Variants in RRM2 observed in about 807,000 individuals in gnomAD.
The protein encoded by RRM2 is ribonucleoside-diphosphate reductase subunit M2.
Under a neutral mutation model 45.9 loss-of-function variants are expected in RRM2, and 6 were observed. That is an observed-to-expected ratio of 0.13 (90% CI 0.07 to 0.26). The LOEUF (loss-of-function observed/expected upper bound fraction) is 0.26. RRM2 is among the 10% of genes least tolerant of loss of function. RRM2 has a pLI of 1.00. For synonymous variants in RRM2, 177 were observed against 173.0 expected, an observed-to-expected ratio of 1.02 and a Z score of -0.18; for missense variants, 343 against 489.5, an observed-to-expected ratio of 0.70 and a Z score of 2.82.
chr2:10,126,712 C>G (rs1490777285), intron 5 of RRM2, 163 bp from the exon 6 acceptor site: 2 of 642,500 alleles, frequency 3.1e-6, no homozygotes, highest in Non-Finnish European at 5.5e-6. Context: ...GAGGGAAAAA[C>G]TGACCAGTAA....
At position 10,147,477 on chromosome 2, in the gene RRM2, C is replaced by T. The variant is rs1219348091; in HGVS notation, n.482+5102C>T. 5.3e-5 allele frequency among the ~76,000 whole-genome samples: 8 copies of T among 152,018 alleles called. No individual in the cohort carries two copies. The East Asian group carries it at 1.2e-3, about 22-fold the overall frequency. Reference sequence around the variant, plus strand: ...TATTTTTTTTGTAGAGACAGGGTTTCGCCCTGTTGCCCAGGCAACAAGCAA... The same window carrying T: ...TATTTTTTTTGTAGAGACAGGGTTTTGCCCTGTTGCCCAGGCAACAAGCAA... On this transcript the variant is annotated intron_variant and non_coding_transcript_variant, in intron 3 of 3. Coordinates refer to the RRM2 transcript ENST00000381786.
intron 3 of RRM2, among the ~76,000 whole-genome samples, chr2:10,150,079 C>T (rs1340485071): frequency 2.6e-5 from 4 of 152,076 alleles, no homozygotes; most frequent in South Asian, 2.1e-4. Context: ...TTTTGGAGGA[C>T]GAGGCGGGTG....
At position 10,205,101 on chromosome 2, in the gene RRM2, G is replaced by A. The variant is rs566845230; in HGVS notation, n.483-5210G>A. Among the ~76,000 whole-genome samples, 1 of 152,298 alleles carries A rather than the reference G, an allele frequency of 6.6e-6. No homozygotes were observed. Among genetic ancestry groups the A allele is most frequent in the Non-Finnish European group, 1.5e-5 (1 of 68,018 alleles). On this transcript the variant is annotated intron_variant and non_coding_transcript_variant, in intron 3 of 3. Transcript: ENST00000381786. This position sits in a 1 kb window ranked among gnomAD's most constrained non-coding sequence, Gnocchi z 4.8. ...TCCCTAAGCCTTCTTTGTCCTTACCGTCTCTTCAGAATCTGTCTGCTTCAC... is the reference window on the plus strand; with the variant it reads ...TCCCTAAGCCTTCTTTGTCCTTACCATCTCTTCAGAATCTGTCTGCTTCAC...
At chr2:10,164,423 C>T (rs1663638754) in intron 3 of RRM2, among the ~76,000 whole-genome samples, 2 of 152,290 alleles carry the variant, frequency 1.3e-5, no homozygotes, top group East Asian at 1.9e-4. Flanking sequence ...GTGCTCAATA[C>T]ATTTTATCAT....
intron 3 of RRM2, among the ~76,000 whole-genome samples, chr2:10,173,906 C>T (rs1203235083): frequency 6.6e-6 from 1 of 152,156 alleles, no homozygotes; most frequent in Non-Finnish European, 1.5e-5. Context: ...GGTTCTGTAC[C>T]GGGTGTGCTC....
chr2:10,171,155 AT>A lies in RRM2; in HGVS notation n.482+28781del, dbSNP rs1298691124. Among the ~76,000 whole-genome samples the A allele has an allele frequency of 2.0e-5, 3 of 152,206 alleles. No individual in the cohort carries two copies. The highest frequency in any genetic ancestry group is 2.9e-5 in the Non-Finnish European group (2 of 68,028). On this transcript the variant is annotated intron_variant and non_coding_transcript_variant, in intron 3 of 3. Coordinates refer to the RRM2 transcript ENST00000381786. The surrounding 1 kb of genome is among the most constrained non-coding windows in gnomAD (Gnocchi z 4.1). ...ACAGACCCCAGGCATCGAGCCTGCGATGGGGCAACGTGTGGTGTGGAGGCCA... is the reference window on the plus strand; with the variant it reads ...ACAGACCCCAGGCATCGAGCCTGCGAGGGGCAACGTGTGGTGTGGAGGCCA...
intron 3 of RRM2, among the ~76,000 whole-genome samples, chr2:10,206,013 G>A (rs13002569): frequency 1.3e-4 from 20 of 152,062 alleles, no homozygotes; most frequent in East Asian, 7.8e-4. Context: ...CTGGGAGGCC[G>A]AAGCGGGAGG....
intron 3 of RRM2, among the ~76,000 whole-genome samples, chr2:10,161,886 T>C (rs1023780316): frequency 1.3e-5 from 2 of 152,222 alleles, no homozygotes; most frequent in African/African-American, 4.8e-5. Flanking sequence ...TGCTCTGACT[T>C]GGAAGCCCAG....
At chr2:10,168,591 A>G (rs1449386562) in intron 3 of RRM2, among the ~76,000 whole-genome samples, 1 of 151,670 alleles carries the variant, frequency 6.6e-6, no homozygotes, top group African/African-American at 2.4e-5. Context: ...CTTGATACCA[A>G]CTCTGGGGGT....
chr2:10,185,311 C>T lies in RRM2; in HGVS notation n.483-25000C>T, dbSNP rs1040104158. 6.6e-6 allele frequency among the ~76,000 whole-genome samples: 1 copy of T among 151,854 alleles called. No homozygotes were observed. The highest frequency in any genetic ancestry group is 2.4e-5 in the African/African-American group (1 of 41,342). On this transcript the variant is annotated intron_variant and non_coding_transcript_variant, in intron 3 of 3. Transcript: ENST00000381786. The surrounding 1 kb of genome is among the most constrained non-coding windows in gnomAD (Gnocchi z 4.3). ...AGAGAGAGAGGCAGGAGAGGCTGAGCGTGGGAGGGAGACAGACGGCATCGA... is the reference window on the plus strand; with the variant it reads ...AGAGAGAGAGGCAGGAGAGGCTGAGTGTGGGAGGGAGACAGACGGCATCGA...
chr2:10,203,293 C>G (rs759347), intron 3 of RRM2, among the ~76,000 whole-genome samples: 132,766 of 152,244 alleles, frequency 0.87, 57,931 homozygotes, highest in East Asian at 1. Flanking sequence ...GGATGGGTCT[C>G]GGGCTGGCCT....
chr2:10,199,561 C>G (rs1170018432), intron 3 of RRM2, among the ~76,000 whole-genome samples: 3 of 151,792 alleles, frequency 2.0e-5, no homozygotes, highest in Admixed American at 6.6e-5. Context: ...GTGGGCGGAT[C>G]ACAAGGTCAG....
At chr2:10,182,682 A>C (rs1369295038) in intron 3 of RRM2, among the ~76,000 whole-genome samples, 2 of 152,202 alleles carry the variant, frequency 1.3e-5, no homozygotes, top group African/African-American at 2.4e-5. Context: ...GCTAGTCCTT[A>C]ATAGGATGAG....
In RRM2 at chr2:10,210,352, A is replaced by G. The variant is rs1462467967; in HGVS notation, n.524A>G. On this transcript the variant is annotated non_coding_transcript_exon_variant, in exon 4 of 4. Coordinates refer to the RRM2 transcript ENST00000381786. Reference sequence around the variant, plus strand: ...CCAGTTCTCTCACTGCAGAGTCTGGAGAAGCCCAGCCCTCATTGTGAAGGG... The same window carrying G: ...CCAGTTCTCTCACTGCAGAGTCTGGGGAAGCCCAGCCCTCATTGTGAAGGG... 2.2e-6 allele frequency: 3 copies of G among 1,367,564 alleles called. No homozygotes were observed. In the African/African-American group the frequency reaches 4.4e-5, roughly 20 times the overall value. The allele number at this position is 1,367,564 out of a possible 1,614,324, so 84.7% of individuals were successfully genotyped here. A position where few individuals can be genotyped will look rare whatever the true frequency, so the allele number is the denominator to read the frequency against.
chr2:10,129,437 A>G lies in RRM2; in HGVS notation c.*51A>G. 1 of 1,558,124 alleles carries G rather than the reference A, an allele frequency of 6.4e-7. No homozygotes were observed. Among genetic ancestry groups the G allele is most frequent in the Non-Finnish European group, 8.7e-7 (1 of 1,153,552 alleles). Reference sequence around the variant, plus strand: ...GGCTGATTTTTTTTTTCCATCTCATAAGAAAAATCAGCTGAAGTGTTACCA... The same window carrying G: ...GGCTGATTTTTTTTTTCCATCTCATGAGAAAAATCAGCTGAAGTGTTACCA... On this transcript the variant is annotated 3_prime_UTR_variant, in exon 10 of 10. Coordinates refer to ENST00000304567, the MANE Select transcript of RRM2 (RefSeq NM_001034.4). The surrounding 1 kb of genome is among the most constrained non-coding windows in gnomAD (Gnocchi z 4.8).
At chr2:10,132,607 A>AC (rs1662922435), downstream of RRM2, among the ~76,000 whole-genome samples, 1 of 152,234 alleles carries the variant, frequency 6.6e-6, no homozygotes, top group East Asian at 1.9e-4. Flanking sequence ...AGTGACTGGT[A>AC]CATGGGGAAA....
At position 10,164,463 on chromosome 2, in the gene RRM2, G is replaced by T. The variant is rs555530578; in HGVS notation, n.482+22088G>T. 6.1e-4 allele frequency among the ~76,000 whole-genome samples: 93 copies of T among 152,316 alleles called. 1 individual carries two copies. The highest frequency in any genetic ancestry group is 2.1e-3 in the African/African-American group (87 of 41,556). ...GTTATTTTTGACGCTGAGGGTCACT[G>T]TAACGACCAATGAACCAGCCAGTGA... On this transcript the variant is annotated intron_variant and non_coding_transcript_variant, in intron 3 of 3. Coordinates refer to the RRM2 transcript ENST00000381786.
intron 3 of RRM2, among the ~76,000 whole-genome samples, chr2:10,157,122 A>AG (rs1663446726): frequency 7.6e-6 from 1 of 132,040 alleles, no homozygotes; most frequent in Non-Finnish European, 1.5e-5. Context: ...TCCGCTTCCC[A>AG]GGTTCACGCC....
intron 3 of RRM2, among the ~76,000 whole-genome samples, chr2:10,168,206 T>C (rs554468353): frequency 3.7e-4 from 56 of 152,118 alleles, no homozygotes; most frequent in African/African-American, 1.2e-3. Context: ...CCAACCTCTC[T>C]CCCCAACTGC....
Sources: gnomAD v4.1 joint callset for allele counts (sites outside exome capture counted in the v4.1 genomes callset) on GRCh38, gnomAD v4.1.1 for gene constraint, Gnocchi (gnomAD v3.1) non-coding constraint, MANE v1.5 for transcripts, NCBI Gene and HGNC (gene_info 2026-07-23, HGNC 2026-07-21) for gene names.